MEIS2: variants seen among roughly 807,000 people sequenced by gnomAD.
MEIS2 encodes the protein Meis homeobox 2.
A neutral mutation model predicts 58.6 loss-of-function variants in MEIS2; 9 were observed. The observed-to-expected ratio is 0.15, with a 90% CI of 0.09 to 0.27. The LOEUF (loss-of-function observed/expected upper bound fraction) is 0.27, where lower values mean the gene tolerates loss of function less well. Among genes scored for constraint, MEIS2 ranks in the 10% least tolerant of loss-of-function variants. The probability of loss-of-function intolerance (pLI) is 1.00; values close to 1 mark genes in which losing one functional copy is unlikely to be tolerated. For synonymous variants in MEIS2, 221 were observed against 228.4 expected (o/e 0.97, Z 0.29); for missense variants, 427 against 635.0 (o/e 0.67, Z 3.52).
intron 9 of MEIS2, among the ~76,000 whole-genome samples, chr15:36,915,028 A>G (rs968224302): frequency 7.9e-5 from 12 of 152,134 alleles, no homozygotes; most frequent in African/African-American, 2.7e-4. Context: ...TCCTTTCCTC[A>G]AGTATCCTGT....
At chr15:37,094,128 G>A (rs1893892748) in intron 5 of MEIS2, 1 of 263,968 alleles carries the variant, frequency 3.8e-6, no homozygotes, top group African/African-American at 2.2e-5. Flanking sequence ...GTTTCCAGGG[G>A]AAAGTAATTG....
chr15:37,040,649 T>C (rs1460313554), intron 7 of MEIS2, among the ~76,000 whole-genome samples: 1 of 152,192 alleles, frequency 6.6e-6, no homozygotes, highest in East Asian at 1.9e-4. Flanking sequence ...TTTTGAAAGG[T>C]TGCTAATCCC....
chr15:37,094,467 C>A (rs1198751736), intron 5 of MEIS2, 60 bp downstream of exon 5: 1 of 1,549,408 alleles, frequency 6.5e-7, no homozygotes. Flanking sequence ...AAAAACATCC[C>A]AACTCAACTA....
At chr15:36,998,364 G>A (rs1381508747) in intron 8 of MEIS2, among the ~76,000 whole-genome samples, 1 of 149,076 alleles carries the variant, frequency 6.7e-6, no homozygotes, top group East Asian at 2.0e-4. Context: ...GGGAAAAGAG[G>A]TGCACACCAC....
At chr15:36,979,875 A>G (rs2059876897) in intron 8 of MEIS2, among the ~76,000 whole-genome samples, 1 of 143,032 alleles carries the variant, frequency 7.0e-6, no homozygotes, top group Admixed American at 7.1e-5. Flanking sequence ...TATATAATAA[A>G]TATATATAAT....
intron 9 of MEIS2, among the ~76,000 whole-genome samples, chr15:36,899,776 A>T (rs1203615524): frequency 6.6e-6 from 1 of 152,226 alleles, no homozygotes; most frequent in Non-Finnish European, 1.5e-5. Flanking sequence ...TGGATATTAA[A>T]TGGGCCTTAT....
intron 8 of MEIS2, among the ~76,000 whole-genome samples, chr15:36,961,619 C>A (rs984477768): frequency 5.3e-5 from 8 of 151,796 alleles, no homozygotes; most frequent in African/African-American, 1.9e-4. Flanking sequence ...TAATATGTGG[C>A]TTTTTTTTCC....
At chr15:36,975,918 G>C (rs2059732896) in intron 8 of MEIS2, among the ~76,000 whole-genome samples, 1 of 152,088 alleles carries the variant, frequency 6.6e-6, no homozygotes, top group Non-Finnish European at 1.5e-5. Flanking sequence ...ATATTAATTG[G>C]TGGGTTTAGC....
intron 8 of MEIS2, among the ~76,000 whole-genome samples, chr15:37,018,306 T>C (rs2061416380): frequency 6.6e-6 from 1 of 152,200 alleles, no homozygotes; most frequent in African/African-American, 2.4e-5. Context: ...GGCATCTAAA[T>C]GATCCAAGGA....
chr15:36,995,978 TA>T lies in MEIS2; in HGVS notation c.900+40835del, dbSNP rs1567159766. On this transcript the variant is annotated intron_variant, in intron 8 of 11. Transcript: ENST00000561208. ...TGAGATATATATATATATATATATATATATATATATATATATATATATATGT... is the reference window on the plus strand; with the variant it reads ...TGAGATATATATATATATATATATATTATATATATATATATATATATATGT... Among the ~76,000 whole-genome samples, 344 of 40,670 alleles carry T rather than the reference TA, an allele frequency of 8.5e-3. 5 individuals are homozygous for T. The highest frequency in any genetic ancestry group is 0.024 in the Non-Finnish European group (287 of 12,128). 26.7% of individuals were successfully genotyped at this position (40,670 alleles called of 152,430 possible).
chr15:36,966,212 G>A (rs1285255378), intron 8 of MEIS2, among the ~76,000 whole-genome samples: 1 of 152,098 alleles, frequency 6.6e-6, no homozygotes, highest in Admixed American at 6.6e-5. Context: ...GAGCAAATTC[G>A]CTCTTTGAGA....
chr15:36,896,504 T>TA (rs397941848), intron 10 of MEIS2, 124 bp downstream of exon 10: 28,969 of 576,042 alleles, frequency 0.05, 1,102 homozygotes, highest in African/African-American at 0.23. Flanking sequence ...CTGGGGACAT[T>TA]AAAAAAAAAA....
At chr15:36,895,337 C>A (rs1567019204) in intron 10 of MEIS2, 76 bp from the exon 11 acceptor site, 2 of 1,293,904 alleles carry the variant, frequency 1.5e-6, no homozygotes, top group South Asian at 1.3e-5. Context: ...GTTCCCGCTG[C>A]AGCACTGAAA....
chr15:37,011,627 T>G (rs2061160888), intron 8 of MEIS2, among the ~76,000 whole-genome samples: 1 of 136,912 alleles, frequency 7.3e-6, no homozygotes, highest in African/African-American at 2.7e-5. Flanking sequence ...TTTTTTTTTT[T>G]TTTTTTTTTT....
In MEIS2 at chr15:36,891,762, G is replaced by A. The variant is rs950048217; in HGVS notation, c.*411C>T. On this transcript the variant is annotated 3_prime_UTR_variant, in exon 12 of 12. Transcript: ENST00000561208. ...TATATACCACAGTCTCTCCTGGATGGTGAATTCACTGATGAACCAAAACAG... is the reference window on the plus strand; with the variant it reads ...TATATACCACAGTCTCTCCTGGATGATGAATTCACTGATGAACCAAAACAG... 1.1e-4 allele frequency: 23 copies of A among 209,024 alleles called. No homozygotes were observed. Among genetic ancestry groups the A allele is most frequent in the Non-Finnish European group, 1.9e-4 (20 of 103,926 alleles). 12.9% of individuals were successfully genotyped at this position (209,024 alleles called of 1,614,324 possible). A position where few individuals can be genotyped will look rare whatever the true frequency, so the allele number is the denominator to read the frequency against.
At chr15:36,908,265 C>T (rs555240552) in intron 9 of MEIS2, among the ~76,000 whole-genome samples, 1 of 152,198 alleles carries the variant, frequency 6.6e-6, no homozygotes, top group East Asian at 1.9e-4. Flanking sequence ...GTATTATTAC[C>T]CCCAAAATTT....
At chr15:36,974,411 C>G (rs1238784336) in intron 8 of MEIS2, among the ~76,000 whole-genome samples, 2 of 152,078 alleles carry the variant, frequency 1.3e-5, no homozygotes, top group Non-Finnish European at 2.9e-5. Context: ...TGTTCATATT[C>G]CAAAAATTAA....
intron 8 of MEIS2, among the ~76,000 whole-genome samples, chr15:36,973,072 A>G (rs1293772431): frequency 6.6e-6 from 1 of 152,200 alleles, no homozygotes. Context: ...CCACTTGGCC[A>G]TCGGAAACTA....
In MEIS2 at chr15:36,996,058, C is replaced by T. The variant is rs200170127; in HGVS notation, c.900+40756G>A. On this transcript the variant is annotated intron_variant, in intron 8 of 11. Transcript: ENST00000561208. ...ACACACACACACACATATATATATACACACACATATATATATATATATTTT... is the reference window on the plus strand; with the variant it reads ...ACACACACACACACATATATATATATACACACATATATATATATATATTTT... Among the ~76,000 whole-genome samples the T allele has an allele frequency of 3.3e-4, 31 of 94,250 alleles. 1 individual carries two copies. The East Asian group carries it at 4.7e-3, about 14-fold the overall frequency. The allele number at this position is 94,250 out of a possible 152,430, so 61.8% of individuals were successfully genotyped here.
Sources: allele counts gnomAD v4.1 joint callset (sites outside exome capture counted in the v4.1 genomes callset), GRCh38; gene constraint gnomAD v4.1.1; transcripts MANE v1.5; gene names NCBI Gene and HGNC (gene_info 2026-07-23, HGNC 2026-07-21).